The following LARGE1 variants were observed in gnomAD, a reference collection of about 807,000 sequenced individuals.
LARGE1 encodes LARGE xylosyl- and glucuronyltransferase 1, also known as xylosyl- and glucuronyltransferase LARGE1.
Under a neutral mutation model 87.6 loss-of-function variants are expected in LARGE1, and 43 were observed. That is an observed-to-expected ratio of 0.49 (90% CI 0.38 to 0.63). The LOEUF (loss-of-function observed/expected upper bound fraction) is 0.63, where lower values mean the gene tolerates loss of function less well. LARGE1 is among the 30% of genes least tolerant of loss of function. The pLI, the probability that LARGE1 is intolerant of heterozygous loss-of-function variation, is 0.00. For missense variants in LARGE1, 802 were observed against 1,000.2 expected (o/e 0.80, Z 2.67); for synonymous variants, 434 against 394.6 (o/e 1.10, Z -1.18).
chr22:33,423,015 T>TC (rs2066749307), intron 7 of LARGE1, among the ~76,000 whole-genome samples: 1 of 151,912 alleles, frequency 6.6e-6, no homozygotes, highest in African/African-American at 2.4e-5. Context: ...ACCATTTTTT[T>TC]TTTTTTGCAT....
At chr22:33,511,939 A>T in intron 6 of LARGE1, among the ~76,000 whole-genome samples, 1 of 152,150 alleles carries the variant, frequency 6.6e-6, no homozygotes, top group Admixed American at 6.5e-5. Context: ...TCATCTCTTT[A>T]TTGTACCTGA....
At chr22:33,309,222 A>C (rs899715198) in intron 11 of LARGE1, among the ~76,000 whole-genome samples, 2 of 150,660 alleles carry the variant, frequency 1.3e-5, no homozygotes, top group Non-Finnish European at 2.9e-5. Context: ...GCTGGAGTGC[A>C]GTGGTGCGAT....
chr22:33,872,408 G>A (rs9621788), intron 1 of LARGE1, among the ~76,000 whole-genome samples: 1 of 148,298 alleles, frequency 6.7e-6, no homozygotes, highest in Non-Finnish European at 1.5e-5. Flanking sequence ...TTACTAGCAC[G>A]ATCTTTGCCA....
intron 6 of LARGE1, among the ~76,000 whole-genome samples, chr22:33,500,568 T>A (rs2070377949): frequency 6.6e-6 from 1 of 152,160 alleles, no homozygotes; most frequent in South Asian, 2.1e-4. Flanking sequence ...ACAACGTGGG[T>A]AAGGGCACAG....
the LARGE1 span, among the ~76,000 whole-genome samples, chr22:33,114,586 G>C: frequency 6.6e-6 from 1 of 152,240 alleles, no homozygotes; most frequent in African/African-American, 2.4e-5. Flanking sequence ...AGATATTGTT[G>C]ATAGTTTCTT....
intron 6 of LARGE1, among the ~76,000 whole-genome samples, chr22:33,538,890 G>T (rs1340401926): frequency 6.6e-6 from 1 of 152,202 alleles, no homozygotes; most frequent in Non-Finnish European, 1.5e-5. Context: ...GGCATTTTAG[G>T]ATATCTTCCA....
intron 7 of LARGE1, among the ~76,000 whole-genome samples, chr22:33,424,744 G>A (rs1175547789): frequency 6.6e-6 from 1 of 152,110 alleles, no homozygotes; most frequent in Non-Finnish European, 1.5e-5. Flanking sequence ...AGGATCGCTT[G>A]AGCCTGCAAG....
At chr22:33,725,753 T>C (rs1449389741) in intron 2 of LARGE1, 1 of 152,182 alleles carries the variant, frequency 6.6e-6, no homozygotes, top group Non-Finnish European at 1.5e-5. Context: ...CTGCAGTATA[T>C]ACAGTAAGCA....
At chr22:33,316,869 A>C (rs1936217563) in intron 10 of LARGE1, among the ~76,000 whole-genome samples, 1 of 152,240 alleles carries the variant, frequency 6.6e-6, no homozygotes, top group Admixed American at 6.5e-5. Flanking sequence ...ACTCCTTAGA[A>C]ACAAATGAGA....
At chr22:33,296,947 T>C (rs1933366828) in intron 12 of LARGE1, among the ~76,000 whole-genome samples, 1 of 152,234 alleles carries the variant, frequency 6.6e-6, no homozygotes, top group African/African-American at 2.4e-5. Flanking sequence ...AGATGAATTG[T>C]GGTGAGCCTT....
intron 7 of LARGE1, among the ~76,000 whole-genome samples, chr22:33,414,815 C>A (rs780141371): frequency 3.3e-5 from 5 of 152,104 alleles, no homozygotes; most frequent in Non-Finnish European, 7.4e-5. Flanking sequence ...ATAAAAGAGA[C>A]CCCAGAGAGC....
At chr22:33,645,249 T>A (rs1032443836) in intron 3 of LARGE1, among the ~76,000 whole-genome samples, 1 of 152,068 alleles carries the variant, frequency 6.6e-6, no homozygotes, top group Non-Finnish European at 1.5e-5. Context: ...AACAGATATA[T>A]AGACCAATGA....
chr22:33,791,715 A>C (rs1016665344), intron 1 of LARGE1, among the ~76,000 whole-genome samples: 4 of 152,230 alleles, frequency 2.6e-5, no homozygotes, highest in African/African-American at 9.6e-5. Flanking sequence ...ATAGACTTTC[A>C]TTATGGAAGC....
rs993313290 is a variant in LARGE1 at position 33,439,707 on chromosome 22, A to G, written c.788-7442T>C. Among the ~76,000 whole-genome samples, 7 of 152,150 alleles carry G rather than the reference A, an allele frequency of 4.6e-5. No individual in the cohort carries two copies. The East Asian group carries it at 1.2e-3, about 25-fold the overall frequency. On this transcript the variant is annotated intron_variant, in intron 6 of 14. Coordinates refer to ENST00000397394, the MANE Select transcript of LARGE1 (RefSeq NM_133642.5). ...TCCAAAGTGCCCTACTCTTCAATCT[A>G]TGTATCAGCCCACCATCTTCTTAGG...
At chr22:33,762,374 G>C (rs2084765829) in intron 1 of LARGE1, among the ~76,000 whole-genome samples, 1 of 152,112 alleles carries the variant, frequency 6.6e-6, no homozygotes, top group Admixed American at 6.5e-5. Context: ...ACTGCCCTGT[G>C]CGTGGTCAGG....
chr22:33,864,556 T>C lies in LARGE1; in HGVS notation c.-83+55439A>G, dbSNP rs547907766. On this transcript the variant is annotated intron_variant, in intron 1 of 14. Transcript: ENST00000397394. Reference sequence around the variant, plus strand: ...TTCTGTACATTTTACCAGGCAAGACTGTAAGCTCCTTGAGGGTAGGGATGG... The same window carrying C: ...TTCTGTACATTTTACCAGGCAAGACCGTAAGCTCCTTGAGGGTAGGGATGG... Among the ~76,000 whole-genome samples, 3 of 152,276 alleles carry C rather than the reference T, an allele frequency of 2.0e-5. No individual in the cohort carries two copies. The South Asian group carries it at 6.2e-4, about 32-fold the overall frequency.
chr22:33,750,908 A>G (rs1332367932), intron 2 of LARGE1: 1 of 152,230 alleles, frequency 6.6e-6, no homozygotes, highest in African/African-American at 2.4e-5. Context: ...TAGAAGTGTT[A>G]AACAATGATC....
chr22:33,731,219 G>A (rs1319843448), intron 2 of LARGE1, among the ~76,000 whole-genome samples: 1 of 151,156 alleles, frequency 6.6e-6, no homozygotes, highest in East Asian at 2.0e-4. Flanking sequence ...TAGCCACGAT[G>A]GTCTCGATCT....
intron 14 of LARGE1, among the ~76,000 whole-genome samples, chr22:33,276,680 A>G (rs1302631893): frequency 6.6e-6 from 1 of 152,260 alleles, no homozygotes; most frequent in Non-Finnish European, 1.5e-5. Flanking sequence ...AACTAGCTGC[A>G]TCTTAGCAGC....
Sources: gnomAD v4.1 joint callset for allele counts (sites outside exome capture counted in the v4.1 genomes callset) on GRCh38, gnomAD v4.1.1 for gene constraint, MANE v1.5 for transcripts, NCBI Gene and HGNC (gene_info 2026-07-23, HGNC 2026-07-21) for gene names.